EPC2: variants seen among roughly 807,000 people sequenced by gnomAD.
The protein encoded by EPC2 is enhancer of polycomb homolog 2.
In EPC2, 14 loss-of-function variants were observed where a neutral mutation model predicts 92.1. That is an observed-to-expected ratio of 0.15 (90% CI 0.10 to 0.24). EPC2 has a LOEUF of 0.24. Ranked by LOEUF, EPC2 falls within the 10% of genes least tolerant of loss-of-function variation. The pLI, the probability that EPC2 is intolerant of heterozygous loss-of-function variation, is 1.00. For synonymous variants in EPC2, 340 were observed against 334.7 expected, an observed-to-expected ratio of 1.02 and a Z score of -0.17; for missense variants, 755 against 971.5, an observed-to-expected ratio of 0.78 and a Z score of 2.96.
In EPC2 at chr2:148,753,949, A is replaced by C; in HGVS notation, c.482A>C (p.Lys161Thr). Reference protein sequence around the residue: ...SNQLVTLQEAKLLLNEDDYLI... With the variant: ...SNQLVTLQEATLLLNEDDYLI... ...TAGCTTGTAACACTTCAAGAAGCAA[A>C]ACTGCTGCTAAACGAAGATGATTAC... The change falls in exon 4 of 14, where the codon AAA (lysine) becomes ACA (threonine). Residue 161 changes from lysine to threonine, a missense_variant. Lys to Thr is a moderately conservative substitution (Grantham distance 78, BLOSUM62 -1). Transcript: ENST00000258484. 6.2e-7 allele frequency: 1 copy of C among 1,611,102 alleles called. No individual in the cohort carries two copies. The highest frequency in any genetic ancestry group is 8.5e-7 in the Non-Finnish European group (1 of 1,178,586).
rs569309735 is a variant in EPC2 at position 148,708,394 on chromosome 2, C to T, written c.313+18021C>T. On this transcript the variant is annotated intron_variant, in intron 2 of 13. Transcript: ENST00000258484. Reference sequence around the variant, plus strand: ...AAAAGTCCATGACCAGACGGATTCACGGCTGAATTCTACCAGAGGTATGAA... The same window carrying T: ...AAAAGTCCATGACCAGACGGATTCATGGCTGAATTCTACCAGAGGTATGAA... Among the ~76,000 whole-genome samples the T allele has an allele frequency of 1.1e-3, 169 of 152,304 alleles. 1 individual carries two copies. The highest frequency in any genetic ancestry group is 3.8e-3 in the African/African-American group (158 of 41,566).
intron 1 of EPC2, among the ~76,000 whole-genome samples, chr2:148,651,866 A>T (rs924447719): frequency 3.3e-5 from 5 of 152,178 alleles, no homozygotes; most frequent in South Asian, 4.1e-4. Context: ...AGAAACTGAA[A>T]CTTTAGAAAT....
intron 3 of EPC2, among the ~76,000 whole-genome samples, chr2:148,751,684 G>A (rs1289039646): frequency 6.6e-6 from 1 of 151,962 alleles, no homozygotes; most frequent in African/African-American, 2.4e-5. Context: ...AAATAGTAAA[G>A]TTCTGATTTT....
intron 2 of EPC2, among the ~76,000 whole-genome samples, chr2:148,729,183 T>C (rs1466785609): frequency 6.6e-6 from 1 of 152,106 alleles, no homozygotes; most frequent in Non-Finnish European, 1.5e-5. Context: ...GCCAAATCAC[T>C]CTGTAGGAGT....
At chr2:148,690,172 T>C in intron 1 of EPC2, 42 bp from the exon 2 acceptor site, 1 of 1,536,126 alleles carries the variant, frequency 6.5e-7, no homozygotes, top group Non-Finnish European at 8.7e-7. Context: ...CATTGATTAA[T>C]ATTACTAAAA....
chr2:148,767,010 C>A (rs935248194), intron 7 of EPC2, among the ~76,000 whole-genome samples: 3 of 151,884 alleles, frequency 2.0e-5, no homozygotes, highest in Non-Finnish European at 4.4e-5. Flanking sequence ...ATGGTGAAAC[C>A]CCATCTTTAC....
chr2:148,655,955 T>C (rs1680784309), intron 1 of EPC2, among the ~76,000 whole-genome samples: 1 of 144,082 alleles, frequency 6.9e-6, no homozygotes, highest in African/African-American at 2.6e-5. Context: ...AAAGTGTCTT[T>C]CCTTCCTCAA....
chr2:148,685,806 A>AT (rs1681507786), intron 1 of EPC2, among the ~76,000 whole-genome samples: 1 of 152,246 alleles, frequency 6.6e-6, no homozygotes, highest in South Asian at 2.1e-4. Context: ...TGCTTATACT[A>AT]TACTGTGGTC....
intron 6 of EPC2, 72 bp downstream of exon 6, chr2:148,762,874 G>A: frequency 6.8e-7 from 1 of 1,467,204 alleles, no homozygotes; most frequent in Admixed American, 2.5e-5. Flanking sequence ...TTCTGCAGTT[G>A]TCTTAATATG....
At chr2:148,701,825 T>C (rs527744186) in intron 2 of EPC2, among the ~76,000 whole-genome samples, 197 of 152,316 alleles carry the variant, frequency 1.3e-3, no homozygotes, top group African/African-American at 4.4e-3. Flanking sequence ...TCCTAAATGT[T>C]TGGTAGAATT....
At chr2:148,722,058 G>A (rs1682391088) in intron 2 of EPC2, among the ~76,000 whole-genome samples, 1 of 151,944 alleles carries the variant, frequency 6.6e-6, no homozygotes, top group African/African-American at 2.4e-5. Context: ...TTGCTTAGCT[G>A]CTTAGTATGT....
rs1683865422 is a variant in EPC2, at chr2:148,786,296, T to C, written c.2352-9T>C. 2 of 1,607,578 alleles carry C rather than the reference T, an allele frequency of 1.2e-6. No homozygotes were observed. Among genetic ancestry groups the C allele is most frequent in the Admixed American group, 1.7e-5 (1 of 59,494 alleles). ...GATATTTATTTTATCCTTTGCCTTA[T>C]TACCATAGAGAGAACCACGAACCAG... On this transcript the variant is annotated splice_polypyrimidine_tract_variant and intron_variant, in intron 13 of 13. Coordinates refer to ENST00000258484, the MANE Select transcript of EPC2 (RefSeq NM_015630.4).
chr2:148,647,713 A>C (rs772966980), intron 1 of EPC2, among the ~76,000 whole-genome samples: 1 of 141,670 alleles, frequency 7.1e-6, no homozygotes, highest in Non-Finnish European at 1.5e-5. Flanking sequence ...GCTCACTGCA[A>C]CCTTCGCCTC....
At chr2:148,708,132 A>G (rs1456346519) in intron 2 of EPC2, among the ~76,000 whole-genome samples, 2 of 152,230 alleles carry the variant, frequency 1.3e-5, no homozygotes, top group African/African-American at 4.8e-5. Flanking sequence ...GAAGAATCAA[A>G]TAGATGCAGT....
At chr2:148,723,093 G>T (rs1682416144) in intron 2 of EPC2, among the ~76,000 whole-genome samples, 2 of 152,058 alleles carry the variant, frequency 1.3e-5, no homozygotes, top group Admixed American at 6.6e-5. Context: ...TTACCTGGGG[G>T]ATAAAATAGT....
intron 1 of EPC2, among the ~76,000 whole-genome samples, chr2:148,672,523 TG>T (rs1393869665): frequency 1.3e-5 from 2 of 152,140 alleles, no homozygotes; most frequent in African/African-American, 2.4e-5. Flanking sequence ...GTGATCATCA[TG>T]GGGATTACAT....
At chr2:148,698,232 T>G (rs578062242) in intron 2 of EPC2, among the ~76,000 whole-genome samples, 1 of 152,282 alleles carries the variant, frequency 6.6e-6, no homozygotes, top group African/African-American at 2.4e-5. Context: ...CTGAAGTTGT[T>G]GTAAATACGC....
intron 5 of EPC2, among the ~76,000 whole-genome samples, 157 bp from the exon 6 acceptor site, chr2:148,762,513 C>A (rs1165957491): frequency 6.6e-6 from 1 of 151,688 alleles, no homozygotes; most frequent in Admixed American, 6.6e-5. Context: ...TTACCAAATC[C>A]CTGTTTCTTT....
At chr2:148,692,487 G>A (rs1048480025) in intron 2 of EPC2, 1 of 152,220 alleles carries the variant, frequency 6.6e-6, no homozygotes, top group East Asian at 1.9e-4. Flanking sequence ...AAAGTCTTTT[G>A]GTGGTACAGC....
Sources: gnomAD v4.1 joint callset for allele counts (sites outside exome capture counted in the v4.1 genomes callset) on GRCh38, gnomAD v4.1.1 for gene constraint, MANE v1.5 for transcripts, NCBI Gene and HGNC (gene_info 2026-07-23, HGNC 2026-07-21) for gene names.